ADAMTSL1: variants seen among roughly 807,000 people sequenced by gnomAD.
ADAMTSL1 encodes ADAMTS-like protein 1.
Under a neutral mutation model 201.8 loss-of-function variants are expected in ADAMTSL1, and 126 were observed. The ratio of observed to expected loss-of-function variants is 0.62; its 90% CI spans 0.54 to 0.72. The LOEUF (loss-of-function observed/expected upper bound fraction) is 0.72. Among genes scored for constraint, ADAMTSL1 ranks in the 30% least tolerant of loss-of-function variants. The pLI, the probability that ADAMTSL1 is intolerant of heterozygous loss-of-function variation, is 0.00. For synonymous variants in ADAMTSL1, 1,121 were observed against 903.4 expected, an observed-to-expected ratio of 1.24 and a Z score of -4.32; for missense variants, 2,679 against 2,277.8, an observed-to-expected ratio of 1.18 and a Z score of -3.59.
At chr9:18,100,062 G>A (rs999619225) in intron 1 of ADAMTSL1, among the ~76,000 whole-genome samples, 3 of 151,596 alleles carry the variant, frequency 2.0e-5, no homozygotes, top group Middle Eastern at 3.4e-3. Context: ...TTTCTAATTC[G>A]GAATTAATAT....
chr9:18,619,917 G>A (rs1013679225), intron 4 of ADAMTSL1, among the ~76,000 whole-genome samples: 2 of 151,710 alleles, frequency 1.3e-5, no homozygotes, highest in Non-Finnish European at 2.9e-5. Flanking sequence ...CACAACAATA[G>A]TAGAGTCAAT....
At chr9:18,313,980 T>G (rs776859505) in intron 2 of ADAMTSL1, among the ~76,000 whole-genome samples, 1 of 152,098 alleles carries the variant, frequency 6.6e-6, no homozygotes, top group East Asian at 1.9e-4. Flanking sequence ...AACAACTTAG[T>G]AGCAAAACAC....
chr9:18,663,687 C>A, intron 9 of ADAMTSL1, among the ~76,000 whole-genome samples: 1 of 151,666 alleles, frequency 6.6e-6, no homozygotes, highest in East Asian at 1.9e-4. Flanking sequence ...GACAATTTCA[C>A]TTCCCACAAC....
chr9:18,507,047 A>G (rs1220861542), intron 2 of ADAMTSL1, among the ~76,000 whole-genome samples: 1 of 152,206 alleles, frequency 6.6e-6, no homozygotes, highest in Non-Finnish European at 1.5e-5. Flanking sequence ...CTCTGGAACA[A>G]TCTGGATAGA....
intron 2 of ADAMTSL1, among the ~76,000 whole-genome samples, chr9:18,523,126 C>A (rs946114870): frequency 6.6e-6 from 1 of 152,062 alleles, no homozygotes; most frequent in Non-Finnish European, 1.5e-5. Flanking sequence ...TTTTAATGAT[C>A]CCCATTCTAA....
chr9:18,905,093 G>C (rs1307727587), intron 26 of ADAMTSL1, among the ~76,000 whole-genome samples: 3 of 152,178 alleles, frequency 2.0e-5, no homozygotes, highest in Non-Finnish European at 1.5e-5. Context: ...ACCTCCATGG[G>C]ATGCGTATCC....
chr9:18,839,177 C>A lies in ADAMTSL1; in HGVS notation c.4249+9200C>A, dbSNP rs375309910. 1.2e-3 allele frequency among the ~76,000 whole-genome samples: 140 copies of A among 116,622 alleles called. 1 individual carries two copies. In the East Asian group the frequency reaches 0.024, roughly 20 times the overall value. The allele number at this position is 116,622 out of a possible 152,430, so 76.5% of individuals were successfully genotyped here. A position where few individuals can be genotyped will look rare whatever the true frequency, so the allele number is the denominator to read the frequency against. On this transcript the variant is annotated intron_variant, in intron 23 of 28. Coordinates refer to ENST00000380548, the MANE Select transcript of ADAMTSL1 (RefSeq NM_001040272.6). ...TTAGGTATATCTCCTAATGCTATCC[C>A]TCCCCCTCCCCCCACCCCACAACAG...
chr9:18,117,020 C>CT (rs973736998), intron 1 of ADAMTSL1, among the ~76,000 whole-genome samples: 27 of 152,156 alleles, frequency 1.8e-4, no homozygotes, highest in African/African-American at 1.4e-4. Flanking sequence ...TTTGACTTCT[C>CT]TTTTTTTCTC....
At chr9:18,654,562 G>A (rs951984137) in intron 7 of ADAMTSL1, among the ~76,000 whole-genome samples, 1 of 152,218 alleles carries the variant, frequency 6.6e-6, no homozygotes, top group African/African-American at 2.4e-5. Flanking sequence ...TTTTCAGAAT[G>A]TGAAGGAGAA....
intron 16 of ADAMTSL1, among the ~76,000 whole-genome samples, chr9:18,754,773 A>G (rs1412656068): frequency 2.0e-5 from 3 of 152,232 alleles, no homozygotes; most frequent in African/African-American, 4.8e-5. Flanking sequence ...GCCTCTGGCA[A>G]CAGACATTAA....
chr9:18,070,481 A>G (rs886214418), intron 1 of ADAMTSL1, among the ~76,000 whole-genome samples: 1 of 152,202 alleles, frequency 6.6e-6, no homozygotes, highest in Non-Finnish European at 1.5e-5. Context: ...AGAGAGAGGT[A>G]GGGAATAGGA....
intron 13 of ADAMTSL1, among the ~76,000 whole-genome samples, chr9:18,692,053 A>C (rs916445555): frequency 1.3e-5 from 2 of 152,194 alleles, no homozygotes; most frequent in Non-Finnish European, 2.9e-5. Context: ...TATTTAACTC[A>C]AAACTCAGCT....
At chr9:18,273,178 C>T (rs1156329919) in intron 2 of ADAMTSL1, among the ~76,000 whole-genome samples, 1 of 152,184 alleles carries the variant, frequency 6.6e-6, no homozygotes, top group Non-Finnish European at 1.5e-5. Flanking sequence ...CTCCCAGGTT[C>T]AAGTGATTCT....
At chr9:18,522,729 A>G (rs1283388174) in intron 2 of ADAMTSL1, among the ~76,000 whole-genome samples, 1 of 151,560 alleles carries the variant, frequency 6.6e-6, no homozygotes, top group South Asian at 2.1e-4. Flanking sequence ...GCTGAGAATG[A>G]TGGTTTCCAG....
At chr9:18,485,124 G>C (rs1360535720) in intron 1 of ADAMTSL1, among the ~76,000 whole-genome samples, 3 of 152,140 alleles carry the variant, frequency 2.0e-5, no homozygotes, top group Non-Finnish European at 4.4e-5. Context: ...CAAGGAAACT[G>C]AGGCACAGAG....
chr9:17,935,656 A>G (rs555704826), intron 1 of ADAMTSL1, among the ~76,000 whole-genome samples: 2 of 151,808 alleles, frequency 1.3e-5, no homozygotes, highest in African/African-American at 2.4e-5. Flanking sequence ...GTTGTTCTTG[A>G]CTCCTCTATT....
intron 2 of ADAMTSL1, among the ~76,000 whole-genome samples, chr9:18,299,944 T>C (rs1284675250): frequency 6.6e-6 from 1 of 152,194 alleles, no homozygotes; most frequent in Non-Finnish European, 1.5e-5. Context: ...CATTACTAAG[T>C]AGAAGAGAGT....
At chr9:18,365,624 T>G (rs1053766435) in intron 2 of ADAMTSL1, among the ~76,000 whole-genome samples, 2 of 152,188 alleles carry the variant, frequency 1.3e-5, no homozygotes, top group Non-Finnish European at 2.9e-5. Context: ...AAGAGCAGTT[T>G]TTTAGGCTAG....
chr9:18,080,995 G>A (rs1823477073), intron 1 of ADAMTSL1, among the ~76,000 whole-genome samples: 1 of 152,174 alleles, frequency 6.6e-6, no homozygotes, highest in Admixed American at 6.6e-5. Flanking sequence ...TTTATCTGGT[G>A]ATACAATGCC....
Sources: gnomAD v4.1 joint callset for allele counts (sites outside exome capture counted in the v4.1 genomes callset) on GRCh38, gnomAD v4.1.1 for gene constraint, MANE v1.5 for transcripts, NCBI Gene and HGNC (gene_info 2026-07-23, HGNC 2026-07-21) for gene names.